ERBB4: variants seen among roughly 807,000 people sequenced by gnomAD.
The protein encoded by ERBB4 is receptor tyrosine-protein kinase erbB-4.
In ERBB4, 42 loss-of-function variants were observed where a neutral mutation model predicts 158.0. That is an observed-to-expected ratio of 0.27 (90% confidence interval 0.21 to 0.34). The LOEUF (loss-of-function observed/expected upper bound fraction) is 0.34. Ranked by LOEUF, ERBB4 falls within the 10% of genes least tolerant of loss-of-function variation. The pLI is 1.00. For synonymous variants in ERBB4, 583 were observed against 558.7 expected (o/e 1.04, Z -0.61); for missense variants, 1,333 against 1,624.1 (o/e 0.82, Z 3.08).
At chr2:212,170,081 A>G (rs1468622465) in intron 1 of ERBB4, among the ~76,000 whole-genome samples, 1 of 152,150 alleles carries the variant, frequency 6.6e-6, no homozygotes, top group Non-Finnish European at 1.5e-5. Flanking sequence ...AGGTTGGAAC[A>G]ATTTGGAGGG....
intron 1 of ERBB4, among the ~76,000 whole-genome samples, chr2:212,463,151 C>T (rs955419229): frequency 2.0e-5 from 3 of 151,988 alleles, no homozygotes; most frequent in African/African-American, 7.2e-5. Context: ...GATGCAAAAT[C>T]ACAGCTAAAT....
intron 13 of ERBB4, among the ~76,000 whole-genome samples, chr2:211,676,362 T>C (rs1182142503): frequency 6.6e-6 from 1 of 152,210 alleles, no homozygotes; most frequent in Non-Finnish European, 1.5e-5. Context: ...GATTTTATAA[T>C]GTAAATATGA....
At chr2:212,169,053 A>C (rs553905667) in intron 1 of ERBB4, among the ~76,000 whole-genome samples, 1 of 152,322 alleles carries the variant, frequency 6.6e-6, no homozygotes, top group East Asian at 1.9e-4. Context: ...GGAATAAGGT[A>C]TAGTCATTTA....
At chr2:211,953,113 A>C (rs2125153191) in intron 2 of ERBB4, among the ~76,000 whole-genome samples, 1 of 152,174 alleles carries the variant, frequency 6.6e-6, no homozygotes, top group Non-Finnish European at 1.5e-5. Context: ...GCAATGCTTA[A>C]GGTCTTTTTA....
chr2:211,709,274 T>TACACATATATATATATATATAC lies in ERBB4; in HGVS notation c.1124+2775_1124+2776insGTATATATATATATATATGTGT, dbSNP rs56023302. ...ATACACATATATATATATATATATA[T>TACACATATATATATATATATAC]ACATACATATATATATACATATATA... On this transcript the variant is annotated intron_variant, in intron 9 of 27. Coordinates refer to ENST00000342788, the MANE Select transcript of ERBB4 (RefSeq NM_005235.3). Among the ~76,000 whole-genome samples, 660 of 136,492 alleles carry TACACATATATATATATATATAC rather than the reference T, an allele frequency of 4.8e-3. 7 individuals carry two copies. The highest frequency in any genetic ancestry group is 0.017 in the African/African-American group (610 of 34,948). The allele number at this position is 136,492 out of a possible 152,430, so 89.5% of individuals were successfully genotyped here.
intron 4 of ERBB4, among the ~76,000 whole-genome samples, chr2:211,780,884 C>A (rs1018667135): frequency 1.3e-5 from 2 of 152,036 alleles, no homozygotes; most frequent in Non-Finnish European, 2.9e-5. Context: ...TGATGTTTTT[C>A]ATATATTCCC....
intron 1 of ERBB4, among the ~76,000 whole-genome samples, chr2:212,243,195 T>C (rs964260629): frequency 1.3e-5 from 2 of 152,138 alleles, no homozygotes; most frequent in East Asian, 3.9e-4. Context: ...ATTTTTTTAA[T>C]ATTCAAAAAA....
chr2:211,822,968 G>T (rs539196679), intron 3 of ERBB4, among the ~76,000 whole-genome samples: 72 of 151,888 alleles, frequency 4.7e-4, no homozygotes, highest in Non-Finnish European at 9.1e-4. Context: ...CCCTTTTATG[G>T]ACTGTACCAT....
At chr2:211,955,724 T>C (rs1248962834) in intron 2 of ERBB4, among the ~76,000 whole-genome samples, 2 of 152,226 alleles carry the variant, frequency 1.3e-5, no homozygotes, top group Admixed American at 6.6e-5. Context: ...ATAAGACAAA[T>C]GCCACGCTGT....
chr2:212,406,493 A>G (rs924413605), intron 1 of ERBB4, among the ~76,000 whole-genome samples: 1 of 152,194 alleles, frequency 6.6e-6, no homozygotes, highest in Non-Finnish European at 1.5e-5. Context: ...AATTACTACT[A>G]CTTATGTGCT....
chr2:212,339,544 A>G (rs1046833688), intron 1 of ERBB4, among the ~76,000 whole-genome samples: 1 of 152,164 alleles, frequency 6.6e-6, no homozygotes, highest in Non-Finnish European at 1.5e-5. Context: ...TGTCTCATTA[A>G]AAAAGTCACG....
At chr2:211,558,480 C>CT (rs911094992) in intron 20 of ERBB4, among the ~76,000 whole-genome samples, 3 of 152,126 alleles carry the variant, frequency 2.0e-5, no homozygotes, top group African/African-American at 7.2e-5. Context: ...TGCAAAGTCC[C>CT]TTTTAACATG....
At chr2:212,054,406 C>T (rs1182579237) in intron 2 of ERBB4, among the ~76,000 whole-genome samples, 1 of 151,888 alleles carries the variant, frequency 6.6e-6, no homozygotes, top group African/African-American at 2.4e-5. Flanking sequence ...CAGAAAACAA[C>T]CTGGAAAGGA....
rs2105958970 is a variant in ERBB4, at chr2:211,679,069, A to G, written c.1605T>C (p.Ser535=). Residue 535 remains serine, a synonymous_variant, in exon 13 of 28, where the codon TCT becomes TCC. Coordinates refer to ENST00000342788, the MANE Select transcript of ERBB4 (RefSeq NM_005235.3). ...RFSRGRICIE[S]CNLYDGEFRE... ...AGCCTTACCCATCATAGAGGTTACA[A>G]GACTCTATGCAGATCCTTCCTCTAC... 1 of 1,613,738 alleles carries G rather than the reference A, an allele frequency of 6.2e-7. No homozygotes were observed. The highest frequency in any genetic ancestry group is 1.7e-5 in the Admixed American group (1 of 59,994).
intron 1 of ERBB4, among the ~76,000 whole-genome samples, chr2:212,300,602 C>A (rs1032415283): frequency 6.6e-6 from 1 of 151,318 alleles, no homozygotes; most frequent in South Asian, 2.1e-4. Context: ...AGCAGTAAAT[C>A]GAGATGTGAT....
At chr2:211,596,681 TC>T (rs921034943) in intron 19 of ERBB4, among the ~76,000 whole-genome samples, 24 of 152,170 alleles carry the variant, frequency 1.6e-4, no homozygotes, top group East Asian at 3.9e-4. Context: ...TGACTTTTTT[TC>T]CCCCCTCTGA....
chr2:211,490,395 T>A (rs906677177), intron 20 of ERBB4, among the ~76,000 whole-genome samples: 2 of 152,054 alleles, frequency 1.3e-5, no homozygotes, highest in African/African-American at 4.8e-5. Context: ...CTAGACAAGC[T>A]CCATGGAAGC....
intron 25 of ERBB4, among the ~76,000 whole-genome samples, chr2:211,405,812 CCTAT>C (rs1417890377): frequency 1.3e-5 from 2 of 152,180 alleles, no homozygotes; most frequent in South Asian, 2.1e-4. Context: ...GACACACATT[CCTAT>C]CTAATGACTA....
chr2:211,662,266 T>C (rs16846676), intron 15 of ERBB4, among the ~76,000 whole-genome samples: 6,668 of 151,968 alleles, frequency 0.044, 499 homozygotes, highest in African/African-American at 0.15. Context: ...ACTCAAGTGA[T>C]ATTAGTGAGG....
Sources: allele counts gnomAD v4.1 joint callset (sites outside exome capture counted in the v4.1 genomes callset), GRCh38; gene constraint gnomAD v4.1.1; transcripts MANE v1.5; gene names NCBI Gene and HGNC (gene_info 2026-07-23, HGNC 2026-07-21).